Variants in CRYM observed in about 807,000 individuals in gnomAD.
CRYM encodes the protein ketimine reductase mu-crystallin.
Under a neutral mutation model 32.9 loss-of-function variants are expected in CRYM, and 18 were observed. The ratio of observed to expected loss-of-function variants is 0.55; its 90% CI spans 0.38 to 0.81. The LOEUF is 0.81. Among genes scored for constraint, CRYM ranks in the 30% least tolerant of loss-of-function variants. CRYM has a pLI of 0.00. For synonymous variants in CRYM, 153 were observed against 152.4 expected, an observed-to-expected ratio of 1.00 and a Z score of -0.03; for missense variants, 337 against 393.5, an observed-to-expected ratio of 0.86 and a Z score of 1.21.
chr16:21,272,626 T>C (rs2093377903), intron 3 of CRYM, among the ~76,000 whole-genome samples: 1 of 150,990 alleles, frequency 6.6e-6, no homozygotes, highest in African/African-American at 2.5e-5. Flanking sequence ...TTGTCAGCGT[T>C]GTAGTTTCAT....
intron 1 of CRYM, among the ~76,000 whole-genome samples, chr16:21,288,423 A>G (rs1416922916): frequency 6.6e-6 from 1 of 152,096 alleles, no homozygotes; most frequent in Non-Finnish European, 1.5e-5. Flanking sequence ...ACATTTGTTC[A>G]TAGTATTCTC....
intron 3 of CRYM, among the ~76,000 whole-genome samples, chr16:21,274,814 C>G (rs2093382836): frequency 6.6e-6 from 1 of 152,116 alleles, no homozygotes; most frequent in Non-Finnish European, 1.5e-5. Flanking sequence ...CCATGTTGAC[C>G]AGGCTGGTCT....
chr16:21,275,335 AC>A (rs1311748183), intron 3 of CRYM, among the ~76,000 whole-genome samples, 196 bp downstream of exon 3: 2 of 152,256 alleles, frequency 1.3e-5, no homozygotes, highest in African/African-American at 4.8e-5. Context: ...CACATAAGGT[AC>A]TTGAAATCTG....
chr16:21,290,440 T>C (rs1960613847), intron 1 of CRYM, among the ~76,000 whole-genome samples: 1 of 152,118 alleles, frequency 6.6e-6, no homozygotes, highest in African/African-American at 2.4e-5. Context: ...GGGACACATC[T>C]GAACATCTGA....
rs2093389614 is a variant in CRYM, at chr16:21,277,622, T to C, written c.171-38A>G. On this transcript the variant is annotated intron_variant, in intron 1 of 7. Coordinates refer to ENST00000572914, the MANE Select transcript of CRYM (RefSeq NM_001376256.1). This position sits in a 1 kb window ranked among gnomAD's most constrained non-coding sequence, Gnocchi z 4.2. ...AGGGAGCAGCTTCAGCCCCTTCCCATCAATGCTGGGGTCTCTTAGAAAGTA... is the reference window on the plus strand; with the variant it reads ...AGGGAGCAGCTTCAGCCCCTTCCCACCAATGCTGGGGTCTCTTAGAAAGTA... 6.2e-7 allele frequency: 1 copy of C among 1,610,342 alleles called. No individual in the cohort carries two copies. The highest frequency in any genetic ancestry group is 1.1e-5 in the South Asian group (1 of 91,016).
chr16:21,283,952 G>A (rs2093402992), intron 1 of CRYM: 1 of 152,818 alleles, frequency 6.5e-6, no homozygotes, highest in Non-Finnish European at 1.5e-5. Context: ...CGGAGGCGGC[G>A]GCGAGGCTTG....
intron 4 of CRYM, 68 bp downstream of exon 4, chr16:21,269,722 G>T: frequency 9.8e-7 from 1 of 1,015,914 alleles, no homozygotes; most frequent in Admixed American, 1.7e-5. Flanking sequence ...GTGGTGCAGT[G>T]AAGCAGTATA....
In CRYM at chr16:21,277,700, C is replaced by T. The variant is rs2093389787; in HGVS notation, c.171-116G>A. 1 of 1,121,650 alleles carries T rather than the reference C, an allele frequency of 8.9e-7. No individual in the cohort carries two copies. Among genetic ancestry groups the T allele is most frequent in the Non-Finnish European group, 1.3e-6 (1 of 769,112 alleles). 69.5% of individuals were successfully genotyped at this position (1,121,650 alleles called of 1,614,324 possible). Reference sequence around the variant, plus strand: ...CCTCACCACCCCACTGGCCCTCTTCCAGCCCCCGCATCCCTCTGCCCTTCC... The same window carrying T: ...CCTCACCACCCCACTGGCCCTCTTCTAGCCCCCGCATCCCTCTGCCCTTCC... On this transcript the variant is annotated intron_variant, in intron 1 of 7. Transcript: ENST00000572914. The surrounding 1 kb of genome is among the most constrained non-coding windows in gnomAD (Gnocchi z 4.2).
At chr16:21,266,182 C>A (rs542679946) in intron 5 of CRYM, among the ~76,000 whole-genome samples, 2 of 152,208 alleles carry the variant, frequency 1.3e-5, no homozygotes, top group South Asian at 4.1e-4. Context: ...TGAGATCATG[C>A]CACTGCACTC....
At chr16:21,272,235 C>T (rs1434703939) in intron 3 of CRYM, among the ~76,000 whole-genome samples, 4 of 152,114 alleles carry the variant, frequency 2.6e-5, no homozygotes, top group Non-Finnish European at 5.9e-5. Flanking sequence ...CCTAAGCATG[C>T]AGGTTATTAA....
intron 4 of CRYM, 152 bp from the exon 5 acceptor site, chr16:21,267,889 GACATTT>G: frequency 1.3e-6 from 1 of 774,912 alleles, no homozygotes; most frequent in Non-Finnish European, 2.2e-6. Flanking sequence ...ATGGAGAATG[GACATTT>G]GATCAGGGGT....
chr16:21,262,819 A>G (rs2152861388), intron 5 of CRYM, among the ~76,000 whole-genome samples: 1 of 152,286 alleles, frequency 6.6e-6, no homozygotes. Context: ...AGATGCACGA[A>G]TGGAGGCTCA....
At chr16:21,281,584 T>G (rs1387568051), upstream of CRYM, among the ~76,000 whole-genome samples, 1 of 152,172 alleles carries the variant, frequency 6.6e-6, no homozygotes, top group African/African-American at 2.4e-5. Flanking sequence ...AGATATTGAC[T>G]AACCGACCCC....
chr16:21,262,207 TGCTAA>T (rs747996189), intron 5 of CRYM, 49 bp from the exon 6 acceptor site: 16 of 1,612,630 alleles, frequency 9.9e-6, no homozygotes, highest in Non-Finnish European at 1.4e-5. Flanking sequence ...TGCCAAAGGC[TGCTAA>T]GAAGCCCAAA....
intron 5 of CRYM, among the ~76,000 whole-genome samples, chr16:21,266,300 C>T (rs2093363556): frequency 6.6e-6 from 1 of 152,118 alleles, no homozygotes; most frequent in African/African-American, 2.4e-5. Flanking sequence ...CTTGGTTCAT[C>T]CCCCTATAAA....
chr16:21,258,657 G>A lies in CRYM; in HGVS notation c.*124C>T, dbSNP rs1190242453. On this transcript the variant is annotated 3_prime_UTR_variant, in exon 8 of 8. Transcript: ENST00000572914. ...ATAAATGAGGATCTCAGCATTTAAGGTAAAACATGATAAGCACAAAAGGAG... is the reference window on the plus strand; with the variant it reads ...ATAAATGAGGATCTCAGCATTTAAGATAAAACATGATAAGCACAAAAGGAG... The A allele has an allele frequency of 6.9e-6, 6 of 866,162 alleles. No homozygotes were observed. In the East Asian group the frequency reaches 9.8e-5, roughly 14 times the overall value. 53.7% of individuals were successfully genotyped at this position (866,162 alleles called of 1,614,324 possible). A position where few individuals can be genotyped will look rare whatever the true frequency, so the allele number is the denominator to read the frequency against.
Position 21,277,945 on chromosome 16 carries a change from A to C in CRYM, c.170+137T>G. 1 of 976,664 alleles carries C rather than the reference A, an allele frequency of 1.0e-6. No individual in the cohort carries two copies. Among genetic ancestry groups the C allele is most frequent in the Non-Finnish European group, 1.5e-6 (1 of 666,266 alleles). 60.5% of individuals were successfully genotyped at this position (976,664 alleles called of 1,614,324 possible). The stretch of plus-strand genomic sequence containing the variant: ...AAAACGCCCACTTAGCACACCGGGT[A>C]GCGCCTATTAAAAGTGGCAGCTGTT... On this transcript the variant is annotated intron_variant, in intron 1 of 7. Coordinates refer to ENST00000572914, the MANE Select transcript of CRYM (RefSeq NM_001376256.1). The surrounding 1 kb of genome is among the most constrained non-coding windows in gnomAD (Gnocchi z 4.2).
chr16:21,284,510 A>G (rs1157324199), intron 1 of CRYM, among the ~76,000 whole-genome samples: 3 of 151,996 alleles, frequency 2.0e-5, no homozygotes, highest in African/African-American at 7.3e-5. Context: ...CCAATTGCCA[A>G]TCTACTTTTT....
chr16:21,281,526 C>A (rs1047882351), upstream of CRYM, among the ~76,000 whole-genome samples: 4 of 152,082 alleles, frequency 2.6e-5, no homozygotes, highest in Non-Finnish European at 5.9e-5. Context: ...CCACCGTGCC[C>A]GGCTGAAGAT....
Sources: allele counts gnomAD v4.1 joint callset (sites outside exome capture counted in the v4.1 genomes callset), GRCh38; gene constraint gnomAD v4.1.1; non-coding constraint Gnocchi (gnomAD v3.1); transcripts MANE v1.5; gene names NCBI Gene and HGNC (gene_info 2026-07-23, HGNC 2026-07-21).